COBL: variants seen among roughly 807,000 people sequenced by gnomAD.
COBL encodes the protein cordon-bleu WH2 repeat protein.
A neutral mutation model predicts 98.8 loss-of-function variants in COBL; 51 were observed. That is an observed-to-expected ratio of 0.52 (90% CI 0.41 to 0.65). The LOEUF (loss-of-function observed/expected upper bound fraction) is 0.65. Ranked by LOEUF, COBL falls within the 30% of genes least tolerant of loss-of-function variation. COBL has a pLI of 0.00. For synonymous variants in COBL, 634 were observed against 651.7 expected, an observed-to-expected ratio of 0.97 and a Z score of 0.41; for missense variants, 1,617 against 1,617.5, an observed-to-expected ratio of 1.00 and a Z score of 0.01.
Position 51,016,932 on chromosome 7 carries a change from TGGTCA to T in COBL, c.*614_*618del. 1 of 399,560 alleles carries T rather than the reference TGGTCA, an allele frequency of 2.5e-6. No individual in the cohort carries two copies. The highest frequency in any genetic ancestry group is 4.4e-6 in the Non-Finnish European group (1 of 226,782). 24.8% of individuals were successfully genotyped at this position (399,560 alleles called of 1,614,324 possible). On this transcript the variant is annotated 3_prime_UTR_variant, in exon 13 of 13. Transcript: ENST00000265136. The stretch of plus-strand genomic sequence containing the variant: ...AATAGTTGATTTTTAAAAGCTTAGT[TGGTCA>T]GATCATGGACTGTGACCCTCTGTGA...
intron 6 of COBL, among the ~76,000 whole-genome samples, chr7:51,111,992 C>T (rs1796868098): frequency 6.6e-6 from 1 of 152,186 alleles, no homozygotes; most frequent in African/African-American, 2.4e-5. Flanking sequence ...ATATCCTCAT[C>T]AATATCATCA....
At chr7:51,080,986 T>C (rs1793600670) in intron 7 of COBL, among the ~76,000 whole-genome samples, 1 of 152,224 alleles carries the variant, frequency 6.6e-6, no homozygotes, top group Non-Finnish European at 1.5e-5. Flanking sequence ...CGGGGAATCC[T>C]AGTTTGTAAA....
chr7:51,290,159 A>T (rs1467678006), intron 1 of COBL, among the ~76,000 whole-genome samples: 2 of 152,138 alleles, frequency 1.3e-5, no homozygotes, highest in Non-Finnish European at 2.9e-5. Flanking sequence ...CAACACTTGG[A>T]CTTGAGCAAA....
chr7:51,024,622 C>G (rs1562804148), intron 12 of COBL, among the ~76,000 whole-genome samples: 1 of 151,942 alleles, frequency 6.6e-6, no homozygotes. Context: ...CGTAACTGTC[C>G]AACATTAGGC....
chr7:51,222,187 C>T (rs1323666882), intron 1 of COBL, among the ~76,000 whole-genome samples: 2 of 96,104 alleles, frequency 2.1e-5, no homozygotes, highest in African/African-American at 6.8e-5. Flanking sequence ...GAAACTCCGT[C>T]TCAAAAATAA....
intron 6 of COBL, among the ~76,000 whole-genome samples, chr7:51,086,863 A>C (rs1794311521): frequency 6.6e-6 from 1 of 152,114 alleles, no homozygotes; most frequent in Admixed American, 6.5e-5. Flanking sequence ...TATACCTCTA[A>C]AATTCTGTAA....
At chr7:51,104,224 C>G (rs1228262524) in intron 6 of COBL, among the ~76,000 whole-genome samples, 1 of 152,214 alleles carries the variant, frequency 6.6e-6, no homozygotes, top group Non-Finnish European at 1.5e-5. Flanking sequence ...TATAATGAAG[C>G]TACTCTGAAT....
rs1787828764 is a variant in COBL, at chr7:51,028,589, G to A, written c.2507C>T (p.Pro836Leu). 1.2e-6 allele frequency: 2 copies of A among 1,614,196 alleles called. No individual in the cohort carries two copies. Among genetic ancestry groups the A allele is most frequent in the Non-Finnish European group, 1.7e-6 (2 of 1,180,022 alleles). ...CACGTGACCCATGCCCATGGTGGGG[G>A]GCTGGTTTCTCCCCTCCCCTAGGGG... ...RNPLGEGRNQPPTMGMGHVRV... is the reference protein window; with the variant it reads ...RNPLGEGRNQLPTMGMGHVRV... Residue 836 changes from proline to leucine, a missense_variant, in exon 10 of 13, where the codon CCC (proline) becomes CTC (leucine). Around this residue, in one of 3 missense-constraint regions of COBL, gnomAD observed 1,304 missense variants for 1,282.0 expected, o/e 1.02. Coordinates refer to ENST00000265136, the MANE Select transcript of COBL (RefSeq NM_015198.5).
intron 6 of COBL, among the ~76,000 whole-genome samples, chr7:51,122,803 AC>A (rs1183114732): frequency 3.3e-5 from 5 of 152,162 alleles, no homozygotes; most frequent in African/African-American, 1.2e-4. Context: ...ACATGGCAAA[AC>A]CCTGTCTCTA....
chr7:51,190,894 T>C lies in COBL; in HGVS notation c.641A>G (p.Asn214Ser), dbSNP rs778079979. The C allele has an allele frequency of 5.0e-6, 8 of 1,613,988 alleles. No homozygotes were observed. The African/African-American group carries it at 1.1e-4, about 22-fold the overall frequency. Residue 214 changes from asparagine (N) to serine (S), a missense_variant, in exon 4 of 13, where the codon AAC becomes AGC. Coordinates refer to ENST00000265136, the MANE Select transcript of COBL (RefSeq NM_015198.5). ...GTAGAGCTCCTTTATCCCGAGCTCG[T>C]TCAGGGACTTGGACAGCTCCAGCTC... Reference protein sequence around the residue: ...GEELELSKSLNELGIKELYAW... With the variant: ...GEELELSKSLSELGIKELYAW...
In COBL at chr7:51,028,494, C is replaced by T. The variant is rs377072681; in HGVS notation, c.2602G>A (p.Val868Met). 15 of 1,614,160 alleles carry T rather than the reference C, an allele frequency of 9.3e-6. No homozygotes were observed. The highest frequency in any genetic ancestry group is 1.2e-5 in the Non-Finnish European group (14 of 1,180,056). Residue 868 changes from valine to methionine, a missense_variant, in exon 10 of 13, where the codon GTG becomes ATG. Coordinates refer to ENST00000265136, the MANE Select transcript of COBL (RefSeq NM_015198.5). ...ATGCGCTTGGCAATGGCAGAGGCCA[C>T]ATACTGGCTGGACGTTCTTCTCTGA... ...KPQRRTSSQY[V>M]ASAIAKRIGA... is the part of the protein sequence containing the mutation.
At chr7:51,199,199 C>A (rs1393320032) in intron 2 of COBL, among the ~76,000 whole-genome samples, 5 of 152,176 alleles carry the variant, frequency 3.3e-5, no homozygotes, top group African/African-American at 9.7e-5. Flanking sequence ...TCTATTCATA[C>A]CCTTGGTGAC....
chr7:51,227,624 A>G (rs1440629571), intron 1 of COBL, among the ~76,000 whole-genome samples: 1 of 152,120 alleles, frequency 6.6e-6, no homozygotes. Context: ...TGCTCTTTTT[A>G]AACTGCCACA....
intron 5 of COBL, among the ~76,000 whole-genome samples, chr7:51,158,482 G>T (rs1040710353): frequency 1.6e-5 from 1 of 61,108 alleles, no homozygotes; most frequent in Non-Finnish European, 7.2e-5. Context: ...TATTTAAGAT[G>T]CAGAAATCAA....
intron 6 of COBL, among the ~76,000 whole-genome samples, chr7:51,124,803 T>C (rs1447699478): frequency 6.7e-6 from 1 of 148,484 alleles, no homozygotes; most frequent in South Asian, 2.2e-4. Context: ...TTTCCAATTT[T>C]TTTTCTTTCT....
At chr7:51,289,099 C>T (rs944979070) in intron 1 of COBL, among the ~76,000 whole-genome samples, 5 of 152,204 alleles carry the variant, frequency 3.3e-5, no homozygotes, top group Non-Finnish European at 5.9e-5. Flanking sequence ...ATGCCCACCG[C>T]ACTGGTGCTC....
At chr7:51,058,517 C>T (rs1357467990) in intron 7 of COBL, among the ~76,000 whole-genome samples, 1 of 151,808 alleles carries the variant, frequency 6.6e-6, no homozygotes, top group Non-Finnish European at 1.5e-5. Flanking sequence ...TGCACTAATG[C>T]ACTCCAACCT....
At chr7:51,225,749 G>A (rs1301603795) in intron 1 of COBL, among the ~76,000 whole-genome samples, 1 of 152,176 alleles carries the variant, frequency 6.6e-6, no homozygotes, top group Non-Finnish European at 1.5e-5. Context: ...CACATCAGCT[G>A]GAAGCTCCCA....
At chr7:51,264,672 CAAAAA>C (rs5884201) in intron 1 of COBL, among the ~76,000 whole-genome samples, 2 of 48,352 alleles carry the variant, frequency 4.1e-5, no homozygotes, top group Admixed American at 3.1e-4. Flanking sequence ...CTCCATCTCC[CAAAAA>C]AAAAAAAAAA....
Sources: gnomAD v4.1 joint callset for allele counts (sites outside exome capture counted in the v4.1 genomes callset) on GRCh38, gnomAD v4.1.1 for gene constraint, gnomAD v4.1.1 regional missense constraint, MANE v1.5 for transcripts, NCBI Gene and HGNC (gene_info 2026-07-23, HGNC 2026-07-21) for gene names.